Variants in RBFOX2 observed in about 807,000 individuals in gnomAD.
RBFOX2 encodes the protein RNA binding fox-1 homolog 2.
In RBFOX2, 10 loss-of-function variants were observed where a neutral mutation model predicts 49.1. The observed-to-expected ratio is 0.20, with a 90% CI of 0.13 to 0.35. The LOEUF is 0.35. Ranked by LOEUF, RBFOX2 falls within the 10% of genes least tolerant of loss-of-function variation. The pLI is 1.00. For missense variants in RBFOX2, 323 were observed against 486.9 expected (o/e 0.66, Z 3.17); for synonymous variants, 183 against 187.4 (o/e 0.98, Z 0.19).
chr22:35,967,483 G>A lies in RBFOX2; in HGVS notation c.187-28586C>T, dbSNP rs1355796870. On this transcript the variant is annotated intron_variant, in intron 1 of 13. Transcript: ENST00000438146. ...ACAACTCAATCTATGAATTAAGCAAGATTACATTAAATTAAACTCATCAAG... is the reference window on the plus strand; with the variant it reads ...ACAACTCAATCTATGAATTAAGCAAAATTACATTAAATTAAACTCATCAAG... 4.0e-5 allele frequency among the ~76,000 whole-genome samples: 6 copies of A among 151,246 alleles called. 1 individual carries two copies. In the East Asian group the frequency reaches 7.8e-4, roughly 20 times the overall value.
intron 1 of RBFOX2, among the ~76,000 whole-genome samples, chr22:35,855,151 G>A (rs769915310): frequency 1.3e-5 from 2 of 152,020 alleles, no homozygotes; most frequent in Non-Finnish European, 2.9e-5. Context: ...AGAAAAGACT[G>A]GGTATTTCCT....
chr22:35,964,804 G>A (rs558510745), upstream of RBFOX2, among the ~76,000 whole-genome samples: 4 of 152,190 alleles, frequency 2.6e-5, no homozygotes, highest in East Asian at 7.7e-4. Context: ...CTCTCCTACA[G>A]CCACAACATA....
At chr22:35,764,806 CA>C (rs1372521438) in intron 6 of RBFOX2, among the ~76,000 whole-genome samples, 5 of 152,050 alleles carry the variant, frequency 3.3e-5, no homozygotes, top group African/African-American at 4.8e-5. Flanking sequence ...ATTCAGAGAC[CA>C]TGAGTCTAGA....
chr22:35,755,392 A>G (rs1355997698), intron 9 of RBFOX2, among the ~76,000 whole-genome samples: 3 of 152,212 alleles, frequency 2.0e-5, no homozygotes, highest in Non-Finnish European at 4.4e-5. Context: ...AGTTTAAATA[A>G]TGGAGTCCAT....
intron 1 of RBFOX2, among the ~76,000 whole-genome samples, chr22:35,860,675 G>C (rs2043002387): frequency 6.6e-6 from 1 of 152,044 alleles, no homozygotes; most frequent in Non-Finnish European, 1.5e-5. Context: ...CTAGGTCTTT[G>C]GCATTTCCAT....
intron 4 of RBFOX2, among the ~76,000 whole-genome samples, chr22:35,776,850 T>G (rs1015418993): frequency 6.6e-6 from 1 of 152,134 alleles, no homozygotes; most frequent in South Asian, 2.1e-4. Context: ...AACTCTCAAG[T>G]AACATGTGCA....
chr22:36,019,662 A>C (rs2059169389), intron 1 of RBFOX2, among the ~76,000 whole-genome samples: 1 of 152,240 alleles, frequency 6.6e-6, no homozygotes, highest in Non-Finnish European at 1.5e-5. Flanking sequence ...CAAAATGAGA[A>C]GCTCTAAATG....
At chr22:35,978,875 G>A (rs1353513390) in intron 1 of RBFOX2, among the ~76,000 whole-genome samples, 1 of 152,194 alleles carries the variant, frequency 6.6e-6, no homozygotes, top group African/African-American at 2.4e-5. Flanking sequence ...GGTTGGTTCA[G>A]GAAAGAGTAG....
upstream of RBFOX2, among the ~76,000 whole-genome samples, chr22:35,940,184 G>A (rs2053550601): frequency 6.6e-6 from 1 of 152,094 alleles, no homozygotes; most frequent in South Asian, 2.1e-4. Context: ...GAGACCCTGT[G>A]TCTTGTTCAT....
At chr22:35,974,383 T>C (rs1268333560) in intron 1 of RBFOX2, among the ~76,000 whole-genome samples, 1 of 152,144 alleles carries the variant, frequency 6.6e-6, no homozygotes, top group Admixed American at 6.5e-5. Flanking sequence ...TGCCACTGGG[T>C]GTAATTAAAA....
exon 1 of RBFOX2, chr22:35,938,861 C>T: frequency 6.2e-7 from 1 of 1,613,938 alleles, no homozygotes; most frequent in Non-Finnish European, 8.5e-7. Context: ...CTGTCCCGCG[C>T]TGGGAATCCA....
intron 1 of RBFOX2, among the ~76,000 whole-genome samples, chr22:35,896,784 C>T (rs1461286738): frequency 1.3e-5 from 2 of 152,198 alleles, no homozygotes; most frequent in Admixed American, 1.3e-4. Context: ...CATAGAACCT[C>T]TCTGCTTCTT....
rs116049450 is a variant in RBFOX2 at position 35,935,229 on chromosome 22, C to T, written c.-34+3618G>A. Among the ~76,000 whole-genome samples the T allele has an allele frequency of 2.6e-3, 393 of 152,318 alleles. 4 individuals are homozygous for T. Among genetic ancestry groups the T allele is most frequent in the African/African-American group, 9.2e-3 (384 of 41,564 alleles). On this transcript the variant is annotated intron_variant, in intron 1 of 13. Transcript: ENST00000359369. ...GGGATTATAGATGTAAGCCACTGCA[C>T]TTGGTCCTGCATGGCCTTAGATAAA...
chr22:35,846,698 TGAGCC>T (rs2041266810), intron 1 of RBFOX2, among the ~76,000 whole-genome samples: 1 of 152,014 alleles, frequency 6.6e-6, no homozygotes, highest in Non-Finnish European at 1.5e-5. Context: ...GACGTTGCAG[TGAGCC>T]GAGATAACAC....
chr22:35,904,377 ATCT>A (rs1221495898), intron 1 of RBFOX2, among the ~76,000 whole-genome samples: 1 of 152,152 alleles, frequency 6.6e-6, no homozygotes, highest in East Asian at 1.9e-4. Flanking sequence ...TACAACTGAA[ATCT>A]TCTACTATGA....
chr22:35,856,132 C>A (rs1358026419), intron 1 of RBFOX2, among the ~76,000 whole-genome samples: 1 of 151,914 alleles, frequency 6.6e-6, no homozygotes, highest in Non-Finnish European at 1.5e-5. Flanking sequence ...AAAATCTAGA[C>A]CTAGAAATAG....
chr22:35,761,180 CAGGCCAACAT>C lies in RBFOX2; in HGVS notation c.754+12_754+21del, dbSNP rs749146770. The C allele has an allele frequency of 1.2e-6, 2 of 1,604,732 alleles. No homozygotes were observed. The highest frequency in any genetic ancestry group is 2.7e-5 in the African/African-American group (2 of 74,576). ...CACTCACAACAGTCAAAATCCATGC[CAGGCCAACAT>C]AGGCTACTTACTGATTAAAGGAATG... On this transcript the variant is annotated intron_variant, in intron 8 of 11. Transcript: ENST00000405409.
At chr22:35,797,425 G>C (rs1226850048) in intron 2 of RBFOX2, among the ~76,000 whole-genome samples, 1 of 152,138 alleles carries the variant, frequency 6.6e-6, no homozygotes, top group East Asian at 1.9e-4. Flanking sequence ...TAACACAAGT[G>C]CTTTATGAAT....
At chr22:35,826,342 CAAAAAAA>C (rs1160241662) in intron 1 of RBFOX2, among the ~76,000 whole-genome samples, 1 of 62,212 alleles carries the variant, frequency 1.6e-5, no homozygotes, top group Non-Finnish European at 3.3e-5. Context: ...AACTCCATCT[CAAAAAAA>C]AAAAAAAAAA....
Sources: gnomAD v4.1 joint callset for allele counts (sites outside exome capture counted in the v4.1 genomes callset) on GRCh38, gnomAD v4.1.1 for gene constraint, MANE v1.5 for transcripts, NCBI Gene and HGNC (gene_info 2026-07-23, HGNC 2026-07-21) for gene names.